The following FOXN3 variants were observed in gnomAD, a reference collection of about 807,000 sequenced individuals.
FOXN3 encodes forkhead box N3.
In FOXN3, 7 loss-of-function variants were observed where a neutral mutation model predicts 38.4. The ratio of observed to expected loss-of-function variants is 0.18; its 90% CI spans 0.10 to 0.34. FOXN3 has a LOEUF of 0.34. Ranked by LOEUF, FOXN3 falls within the 10% of genes least tolerant of loss-of-function variation. The pLI is 1.00. For synonymous variants in FOXN3, 230 were observed against 242.2 expected, an observed-to-expected ratio of 0.95 and a Z score of 0.47; for missense variants, 456 against 613.4, an observed-to-expected ratio of 0.74 and a Z score of 2.71.
intron 3 of FOXN3, among the ~76,000 whole-genome samples, chr14:89,311,466 G>A (rs1367681694): frequency 2.4e-5 from 2 of 82,162 alleles, no homozygotes; most frequent in African/African-American, 9.6e-5. Flanking sequence ...GGCGAGACTC[G>A]GCCTCAAAAA....
rs544418368 is a variant in FOXN3 at position 89,451,803 on chromosome 14, G to A, written c.-14-39313C>T. Among the ~76,000 whole-genome samples, 43 of 152,200 alleles carry A rather than the reference G, an allele frequency of 2.8e-4. 1 individual carries two copies. The South Asian group carries it at 8.9e-3, about 32-fold the overall frequency. ...ATACTATATGGTTTCCATTTTAAAA[G>A]CTTTTAGAAGATACCAAGTACATTT... On this transcript the variant is annotated intron_variant, in intron 1 of 6. Coordinates refer to the FOXN3 transcript ENST00000345097.
At chr14:89,426,215 A>ATTTTTTTTTT (rs33964198) in intron 1 of FOXN3, among the ~76,000 whole-genome samples, 1 of 77,560 alleles carries the variant, frequency 1.3e-5, no homozygotes, top group Non-Finnish European at 2.2e-5. Flanking sequence ...AGGAGTACTG[A>ATTTTTTTTTT]TTTTTTTTTT....
chr14:89,372,226 T>C (rs530168051), intron 2 of FOXN3, among the ~76,000 whole-genome samples: 12 of 152,268 alleles, frequency 7.9e-5, no homozygotes, highest in Middle Eastern at 3.4e-3. Context: ...CCACCGAAAC[T>C]ACCATAATAA....
At chr14:89,239,604 T>A (rs1270492514) in intron 4 of FOXN3, among the ~76,000 whole-genome samples, 2 of 152,214 alleles carry the variant, frequency 1.3e-5, no homozygotes, top group Admixed American at 6.5e-5. Context: ...CCAAATTGCA[T>A]CCTTTGGAGC....
At chr14:89,309,858 G>A (rs947708457) in intron 3 of FOXN3, among the ~76,000 whole-genome samples, 26 of 152,252 alleles carry the variant, frequency 1.7e-4, no homozygotes, top group African/African-American at 6.3e-4. Flanking sequence ...CTCTCAGTCT[G>A]CAGTCACAGA....
intron 2 of FOXN3, among the ~76,000 whole-genome samples, chr14:89,366,753 T>C (rs924096589): frequency 6.6e-6 from 1 of 152,186 alleles, no homozygotes; most frequent in African/African-American, 2.4e-5. Flanking sequence ...TTTAAGGTGA[T>C]TTCCATGCTG....
intron 3 of FOXN3, among the ~76,000 whole-genome samples, chr14:89,344,132 G>C (rs1039290035): frequency 3.9e-5 from 6 of 152,114 alleles, no homozygotes; most frequent in Admixed American, 1.3e-4. Context: ...TTTAGACCTA[G>C]ATCAGCAAAT....
At chr14:89,411,832 C>A in intron 2 of FOXN3, 102 bp downstream of exon 2, 1 of 712,712 alleles carries the variant, frequency 1.4e-6, no homozygotes, top group Non-Finnish European at 2.1e-6. Flanking sequence ...CCACTTACAA[C>A]TGCTACTTCA....
chr14:89,225,633 G>A (rs1016502258), intron 4 of FOXN3, among the ~76,000 whole-genome samples: 1 of 152,014 alleles, frequency 6.6e-6, no homozygotes. Context: ...ATAAAAATAT[G>A]AAATAATATT....
chr14:89,511,280 T>C (rs143206582), intron 1 of FOXN3, among the ~76,000 whole-genome samples: 15,159 of 44,308 alleles, frequency 0.34, 6,350 homozygotes, highest in Middle Eastern at 0.64. Context: ...TCTTTCTTTC[T>C]TTCTTTCTTT....
intron 2 of FOXN3, among the ~76,000 whole-genome samples, chr14:89,363,988 A>ATATATATATAT (rs1420813459): frequency 7.7e-5 from 4 of 52,038 alleles, no homozygotes; most frequent in African/African-American, 1.8e-4. Context: ...ATATATATAT[A>ATATATATATAT]ATATATATAT....
intron 3 of FOXN3, among the ~76,000 whole-genome samples, chr14:89,316,442 AC>A (rs1268741689): frequency 6.6e-6 from 1 of 150,878 alleles, no homozygotes; most frequent in Non-Finnish European, 1.5e-5. Flanking sequence ...TGCAGCCTCG[AC>A]CTCCCAGGCT....
chr14:89,517,064 C>T (rs1460023183), intron 1 of FOXN3, among the ~76,000 whole-genome samples: 1 of 152,086 alleles, frequency 6.6e-6, no homozygotes, highest in Non-Finnish European at 1.5e-5. Flanking sequence ...CATTTAGTTG[C>T]CTCTTCGGCC....
intron 2 of FOXN3, among the ~76,000 whole-genome samples, chr14:89,354,524 G>A (rs1889119753): frequency 6.8e-6 from 1 of 147,622 alleles, no homozygotes; most frequent in Admixed American, 6.7e-5. Context: ...ACTGCGCCCG[G>A]CCGTGGAGTG....
At chr14:89,464,163 G>T (rs10083415) in intron 1 of FOXN3, among the ~76,000 whole-genome samples, 88,002 of 151,996 alleles carry the variant, frequency 0.58, 26,319 homozygotes, top group Admixed American at 0.7. Context: ...AGATTTCTCA[G>T]CTGAGTAGAG....
intron 2 of FOXN3, among the ~76,000 whole-genome samples, chr14:89,399,494 G>A (rs1223025403): frequency 6.6e-6 from 1 of 152,184 alleles, no homozygotes; most frequent in Non-Finnish European, 1.5e-5. Context: ...CATGGGACTG[G>A]CTGTTATGTT....
At position 89,412,544 on chromosome 14, in the gene FOXN3, G is replaced by A; in HGVS notation, c.-14-54C>T. On this transcript the variant is annotated intron_variant, in intron 1 of 5. Coordinates refer to ENST00000557258, the MANE Select transcript of FOXN3 (RefSeq NM_005197.4). The surrounding 1 kb of genome is among the most constrained non-coding windows in gnomAD (Gnocchi z 4.7). Reference sequence around the variant, plus strand: ...AGCTGGCGAGGCCCAAAACAGAAAGGCAGACTGTACCCCTCTGATCCTGTT... The same window carrying A: ...AGCTGGCGAGGCCCAAAACAGAAAGACAGACTGTACCCCTCTGATCCTGTT... 1 of 1,466,426 alleles carries A rather than the reference G, an allele frequency of 6.8e-7. No homozygotes were observed. The highest frequency in any genetic ancestry group is 2.3e-5 in the East Asian group (1 of 43,714). The allele number at this position is 1,466,426 out of a possible 1,614,324, so 90.8% of individuals were successfully genotyped here.
intron 5 of FOXN3, among the ~76,000 whole-genome samples, chr14:89,166,199 C>T (rs1344976343): frequency 6.6e-6 from 1 of 152,240 alleles, no homozygotes; most frequent in East Asian, 1.9e-4. Context: ...AACGTGAGCT[C>T]CACACTATCA....
At chr14:89,413,852 G>GGGGAAGGGAGGGCAAGAGAA (rs1415847975) in intron 1 of FOXN3, among the ~76,000 whole-genome samples, 5 of 144,028 alleles carry the variant, frequency 3.5e-5, no homozygotes, top group African/African-American at 1.0e-4. Context: ...GAGGAGAGGA[G>GGGGAAGGGAGGGCAAGAGAA]GGGAAGGGAG....
Sources: gnomAD v4.1 joint callset for allele counts (sites outside exome capture counted in the v4.1 genomes callset) on GRCh38, gnomAD v4.1.1 for gene constraint, Gnocchi (gnomAD v3.1) non-coding constraint, MANE v1.5 for transcripts, NCBI Gene and HGNC (gene_info 2026-07-23, HGNC 2026-07-21) for gene names.